BTN2A1: variants seen among roughly 807,000 people sequenced by gnomAD.
BTN2A1 encodes the protein butyrophilin subfamily 2 member A1, also known as butyrophilin, subfamily 2, member A1.
In BTN2A1, 41 loss-of-function variants were observed where a neutral mutation model predicts 34.5. That is an observed-to-expected ratio of 1.19 (90% CI 0.93 to 1.54). BTN2A1 has a LOEUF of 1.54. BTN2A1 is among the 40% of genes most tolerant of loss of function. BTN2A1 has a pLI of 0.00. For missense variants in BTN2A1, 642 were observed against 662.0 expected (o/e 0.97, Z 0.33); for synonymous variants, 267 against 258.6 (o/e 1.03, Z -0.31).
chr6:26,475,919 G>GA (rs1763530388), intron 7 of BTN2A1, among the ~76,000 whole-genome samples: 2 of 152,140 alleles, frequency 1.3e-5, no homozygotes, highest in Non-Finnish European at 2.9e-5. Context: ...CATGAATCCA[G>GA]TGCAGGCAGC....
rs377531642 is a variant in BTN2A1 at position 26,468,428 on chromosome 6, T to A, written c.1463T>A (p.Phe488Tyr). 1 of 1,614,114 alleles carries A rather than the reference T, an allele frequency of 6.2e-7. No homozygotes were observed. The highest frequency in any genetic ancestry group is 1.3e-5 in the African/African-American group (1 of 75,034). The change falls in exon 8 of 8, where the codon TTC (phenylalanine) becomes TAC (tyrosine). Residue 488 changes from phenylalanine (F) to tyrosine (Y), a missense_variant. Physicochemically the swap from Phe to Tyr is conservative, Grantham distance 22. Coordinates refer to ENST00000312541, the MANE Select transcript of BTN2A1 (RefSeq NM_007049.5). ...TTTTCCGTGCCTGTGAGGCCCTTCT[T>A]CAGGTTGGGGTGTGAGGACAGCCCC... ...SAFSVPVRPF[F>Y]RLGCEDSPIF...
intron 3 of BTN2A1, among the ~76,000 whole-genome samples, chr6:26,461,146 A>T (rs1012459424): frequency 3.3e-5 from 5 of 152,086 alleles, no homozygotes; most frequent in African/African-American, 9.7e-5. Flanking sequence ...GGGTTTCTTG[A>T]CCCTGCATCA....
At chr6:26,460,316 A>G (rs1426009586) in intron 3 of BTN2A1, among the ~76,000 whole-genome samples, 3 of 152,232 alleles carry the variant, frequency 2.0e-5, no homozygotes, top group Non-Finnish European at 2.9e-5. Context: ...CCAGAGAACT[A>G]CAACATATCA....
At chr6:26,471,639 GAAAA>G (rs937441554), downstream of BTN2A1, among the ~76,000 whole-genome samples, 1 of 150,018 alleles carries the variant, frequency 6.7e-6, no homozygotes, top group Non-Finnish European at 1.5e-5. Flanking sequence ...TCTCAAAAAA[GAAAA>G]GAGAGAGAAG....
Sources: gnomAD v4.1 joint callset for allele counts (sites outside exome capture counted in the v4.1 genomes callset) on GRCh38, gnomAD v4.1.1 for gene constraint, MANE v1.5 for transcripts, NCBI Gene and HGNC (gene_info 2026-07-23, HGNC 2026-07-21) for gene names.